PXN: variants seen among roughly 807,000 people sequenced by gnomAD.
PXN encodes testicular tissue protein Li 134.
Under a neutral mutation model 103.6 loss-of-function variants are expected in PXN, and 61 were observed. That is an observed-to-expected ratio of 0.59 (90% confidence interval 0.48 to 0.73). The LOEUF (loss-of-function observed/expected upper bound fraction) is 0.73, where lower values mean the gene tolerates loss of function less well. Ranked by LOEUF, PXN falls within the 30% of genes least tolerant of loss-of-function variation. The pLI is 0.00. For synonymous variants in PXN, 562 were observed against 607.8 expected (o/e 0.92, Z 1.11); for missense variants, 1,274 against 1,460.3 (o/e 0.87, Z 2.08).
chr12:120,256,674 C>A (rs1893062647), intron 1 of PXN, among the ~76,000 whole-genome samples: 1 of 152,062 alleles, frequency 6.6e-6, no homozygotes, highest in African/African-American at 2.4e-5. Context: ...GGAAGGCAGG[C>A]ATTACACCCA....
chr12:120,231,808 A>G (rs1346125383), intron 1 of PXN, among the ~76,000 whole-genome samples: 1 of 152,238 alleles, frequency 6.6e-6, no homozygotes, highest in East Asian at 1.9e-4. Context: ...AGCTCCAGGC[A>G]GAAGACCAAC....
At chr12:120,236,012 G>C (rs1225343320) in intron 1 of PXN, among the ~76,000 whole-genome samples, 1 of 152,206 alleles carries the variant, frequency 6.6e-6, no homozygotes, top group Non-Finnish European at 1.5e-5. Flanking sequence ...AGCCAGCCTA[G>C]ATTTTCCAAC....
chr12:120,220,166 C>T lies in PXN; in HGVS notation c.832-75G>A, dbSNP rs1010254976. 4 of 629,230 alleles carry T rather than the reference C, an allele frequency of 6.4e-6. No individual in the cohort carries two copies. Among genetic ancestry groups the T allele is most frequent in the South Asian group, 2.4e-5 (1 of 41,402 alleles). The allele number at this position is 629,230 out of a possible 1,614,324, so 39.0% of individuals were successfully genotyped here. A position where few individuals can be genotyped will look rare whatever the true frequency, so the allele number is the denominator to read the frequency against. On this transcript the variant is annotated intron_variant, in intron 6 of 14. Transcript: ENST00000637617. The surrounding 1 kb of genome is among the most constrained non-coding windows in gnomAD (Gnocchi z 6.1). ...AGTGAGGACGGCTGCACCTTGCAGG[C>T]GGTGGGCTCGGCCTTAGGGCTGACC... is the stretch of plus-strand genomic sequence containing the variant.
Position 120,214,753 on chromosome 12 carries a change from C to G in PXN, c.2748+72G>C. ...CCTCTCTGAGCCTCCCACGGCACCCCCTGCATCCTCAGAGGGCTGCGGTGA... is the reference window on the plus strand; with the variant it reads ...CCTCTCTGAGCCTCCCACGGCACCCGCTGCATCCTCAGAGGGCTGCGGTGA... On this transcript the variant is annotated intron_variant, in intron 12 of 14. Transcript: ENST00000637617. The surrounding 1 kb of genome is among the most constrained non-coding windows in gnomAD (Gnocchi z 5.0). 1 of 1,578,346 alleles carries G rather than the reference C, an allele frequency of 6.3e-7. No individual in the cohort carries two copies. The highest frequency in any genetic ancestry group is 8.6e-7 in the Non-Finnish European group (1 of 1,156,294).
At chr12:120,244,834 T>TAAATA (rs1159805550) in intron 1 of PXN, among the ~76,000 whole-genome samples, 12 of 149,846 alleles carry the variant, frequency 8.0e-5, no homozygotes, top group African/African-American at 1.7e-4. Flanking sequence ...AACAAATAAA[T>TAAATA]AAATAAAATA....
rs2055429169 is a variant in PXN at position 120,211,732 on chromosome 12, A to G, written c.*582T>C. 2.9e-6 allele frequency: 1 copy of G among 346,996 alleles called. No individual in the cohort carries two copies. Among genetic ancestry groups the G allele is most frequent in the African/African-American group, 2.1e-5 (1 of 46,540 alleles). The allele number at this position is 346,996 out of a possible 1,614,324, so 21.5% of individuals were successfully genotyped here. ...GTATAAAAGGGGAGGGCGGGTCTAA[A>G]AGGCAGGGGCAGTCGCCAGGCCTAG... On this transcript the variant is annotated 3_prime_UTR_variant, in exon 15 of 15. Transcript: ENST00000637617.
chr12:120,251,752 G>C (rs543601224), intron 1 of PXN, among the ~76,000 whole-genome samples: 1 of 152,198 alleles, frequency 6.6e-6, no homozygotes, highest in Non-Finnish European at 1.5e-5. Context: ...GGGAGGCAGA[G>C]ACTGCAGTGA....
intron 1 of PXN, among the ~76,000 whole-genome samples, chr12:120,234,930 G>T (rs1359261929): frequency 6.6e-6 from 1 of 152,168 alleles, no homozygotes; most frequent in East Asian, 1.9e-4. Flanking sequence ...CCTGGGAGCT[G>T]TGACAGGTTG....
chr12:120,259,588 G>T (rs541437212), intron 1 of PXN, among the ~76,000 whole-genome samples: 4 of 152,278 alleles, frequency 2.6e-5, no homozygotes, highest in Non-Finnish European at 5.9e-5. Context: ...CTGGCCAACC[G>T]CATGTTCTGT....
Position 120,224,447 on chromosome 12 carries a change from C to T in PXN, c.14-70G>A, listed in dbSNP as rs1365823577. On this transcript the variant is annotated intron_variant, in intron 1 of 14. Transcript: ENST00000637617. This position sits in a 1 kb window ranked among gnomAD's most constrained non-coding sequence, Gnocchi z 5.0. Reference sequence around the variant, plus strand: ...GGGACTCTCCCGTGGCAGGGCCCTCCCTGCCTGCACCTCAAGAGTTAATGC... The same window carrying T: ...GGGACTCTCCCGTGGCAGGGCCCTCTCTGCCTGCACCTCAAGAGTTAATGC... 7 of 1,075,358 alleles carry T rather than the reference C, an allele frequency of 6.5e-6. No individual in the cohort carries two copies. Among genetic ancestry groups the T allele is most frequent in the Non-Finnish European group, 1.0e-5 (7 of 692,606 alleles). 66.6% of individuals were successfully genotyped at this position (1,075,358 alleles called of 1,614,324 possible). A position where few individuals can be genotyped will look rare whatever the true frequency, so the allele number is the denominator to read the frequency against.
chr12:120,215,767 G>A lies in PXN; in HGVS notation c.2302-106C>T, dbSNP rs2136204146. 1 of 1,329,466 alleles carries A rather than the reference G, an allele frequency of 7.5e-7. No homozygotes were observed. Among genetic ancestry groups the A allele is most frequent in the Non-Finnish European group, 9.9e-7 (1 of 1,010,432 alleles). The allele number at this position is 1,329,466 out of a possible 1,614,324, so 82.4% of individuals were successfully genotyped here. Reference sequence around the variant, plus strand: ...AGGGAATCTAGGATGAGATCTGAGGGTTTCTCCCCCACCGGCAGGACCAAA... The same window carrying A: ...AGGGAATCTAGGATGAGATCTGAGGATTTCTCCCCCACCGGCAGGACCAAA... On this transcript the variant is annotated intron_variant, in intron 9 of 14. Transcript: ENST00000637617. This position sits in a 1 kb window ranked among gnomAD's most constrained non-coding sequence, Gnocchi z 4.9.
chr12:120,221,849 T>G lies in PXN; in HGVS notation c.696-91A>C. On this transcript the variant is annotated intron_variant, in intron 5 of 14. Coordinates refer to ENST00000637617, the MANE Select transcript of PXN (RefSeq NM_001385981.1). This position sits in a 1 kb window ranked among gnomAD's most constrained non-coding sequence, Gnocchi z 6.6. ...CGACCTCTCACCTCGGACACTGGGG[T>G]CTCACCATCCCCAACCCCAGGGAGG... 6.8e-7 allele frequency: 1 copy of G among 1,465,746 alleles called. No individual in the cohort carries two copies. Among genetic ancestry groups the G allele is most frequent in the South Asian group, 1.4e-5 (1 of 73,408 alleles). 90.8% of individuals were successfully genotyped at this position (1,465,746 alleles called of 1,614,324 possible). A position where few individuals can be genotyped will look rare whatever the true frequency, so the allele number is the denominator to read the frequency against.
chr12:120,227,974 C>T (rs915969882), intron 1 of PXN, among the ~76,000 whole-genome samples: 1 of 152,230 alleles, frequency 6.6e-6, no homozygotes, highest in Non-Finnish European at 1.5e-5. Context: ...CCCATCCCAG[C>T]GGGGTCCCCC....
At chr12:120,261,480 C>G (rs1340147943) in intron 1 of PXN, among the ~76,000 whole-genome samples, 13 of 152,124 alleles carry the variant, frequency 8.5e-5, no homozygotes, top group Admixed American at 8.5e-4. Context: ...TGTGAGCCAC[C>G]ATGCCCGGCA....
Position 120,214,300 on chromosome 12 carries a change from C to A in PXN, c.2749-83G>T. The A allele has an allele frequency of 8.2e-7, 1 of 1,223,082 alleles. No homozygotes were observed. Among genetic ancestry groups the A allele is most frequent in the Non-Finnish European group, 1.2e-6 (1 of 852,942 alleles). The allele number at this position is 1,223,082 out of a possible 1,614,324, so 75.8% of individuals were successfully genotyped here. A position where few individuals can be genotyped will look rare whatever the true frequency, so the allele number is the denominator to read the frequency against. Reference sequence around the variant, plus strand: ...CGCCCAGCAAGGCCGTCCTTCCACCCGCAGCTCATAGCCATAGACAGAGCA... The same window carrying A: ...CGCCCAGCAAGGCCGTCCTTCCACCAGCAGCTCATAGCCATAGACAGAGCA... On this transcript the variant is annotated intron_variant, in intron 12 of 14. Transcript: ENST00000637617. This position sits in a 1 kb window ranked among gnomAD's most constrained non-coding sequence, Gnocchi z 5.0.
At chr12:120,223,124 A>G in intron 3 of PXN, 125 bp from the exon 4 acceptor site, 1 of 1,500,274 alleles carries the variant, frequency 6.7e-7, no homozygotes, top group South Asian at 1.2e-5. Context: ...GCAAGAGGAC[A>G]GAGGGTAGGG....
At chr12:120,260,618 G>A (rs1893732684) in intron 1 of PXN, among the ~76,000 whole-genome samples, 1 of 152,086 alleles carries the variant, frequency 6.6e-6, no homozygotes, top group Non-Finnish European at 1.5e-5. Context: ...CCTAGAAACA[G>A]AAAACAGTCA....
Position 120,215,843 on chromosome 12 carries a change from A to G in PXN, c.2302-182T>C. 7.7e-7 allele frequency: 1 copy of G among 1,298,948 alleles called. No individual in the cohort carries two copies. The highest frequency in any genetic ancestry group is 1.0e-6 in the Non-Finnish European group (1 of 986,736). 80.5% of individuals were successfully genotyped at this position (1,298,948 alleles called of 1,614,324 possible). On this transcript the variant is annotated intron_variant, in intron 9 of 14. Transcript: ENST00000637617. This position sits in a 1 kb window ranked among gnomAD's most constrained non-coding sequence, Gnocchi z 4.9. ...AGAGCCCTGAGAGAGAGGCCTAGGG[A>G]GAAAGGAAGAAGGACAGGGAGGGGA...
chr12:120,258,731 T>A (rs1477428929), intron 1 of PXN, among the ~76,000 whole-genome samples: 3 of 152,192 alleles, frequency 2.0e-5, no homozygotes, highest in Admixed American at 6.6e-5. Context: ...CTCTCTGCCC[T>A]TTATGTGTAT....
Sources: gnomAD v4.1 joint callset for allele counts (sites outside exome capture counted in the v4.1 genomes callset) on GRCh38, gnomAD v4.1.1 for gene constraint, Gnocchi (gnomAD v3.1) non-coding constraint, MANE v1.5 for transcripts, NCBI Gene and HGNC (gene_info 2026-07-23, HGNC 2026-07-21) for gene names.